ACAT2: variants seen among roughly 807,000 people sequenced by gnomAD.
The protein encoded by ACAT2 is acetyl-CoA acetyltransferase, cytosolic.
ACAT2 carries 26 observed loss-of-function variants against 37.1 expected under a neutral mutation model. That is an observed-to-expected ratio of 0.70 (90% CI 0.51 to 0.97). The LOEUF is 0.97. Among genes scored for constraint, ACAT2 ranks in the 50% least tolerant of loss-of-function variants. The pLI, the probability that ACAT2 is intolerant of heterozygous loss-of-function variation, is 0.00. For missense variants in ACAT2, 468 were observed against 489.0 expected (o/e 0.96, Z 0.40); for synonymous variants, 156 against 163.6 (o/e 0.95, Z 0.35).
chr6:159,775,245 C>G lies in ACAT2; in HGVS notation c.566C>G (p.Thr189Arg). The G allele has an allele frequency of 6.2e-7, 1 of 1,614,108 alleles. No homozygotes were observed. The highest frequency in any genetic ancestry group is 8.5e-7 in the Non-Finnish European group (1 of 1,180,012). Residue 189 changes from threonine (T) to arginine (R), a missense_variant, in exon 5 of 9, where the codon ACA (threonine) becomes AGA (arginine). Thr to Arg is a moderately conservative substitution (Grantham distance 71). Coordinates refer to ENST00000367048, the MANE Select transcript of ACAT2 (RefSeq NM_005891.3). ...GTTGCAGTTCTGTCCCAGAACAGGACAGAGAATGCACAGAAAGCTGGCCAT... is the reference window on the plus strand; with the variant it reads ...GTTGCAGTTCTGTCCCAGAACAGGAGAGAGAATGCACAGAAAGCTGGCCAT... ...DKVAVLSQNR[T>R]ENAQKAGHFD...
intron 4 of ACAT2, 114 bp from the exon 5 acceptor site, chr6:159,775,056 A>G (rs1780391457): frequency 3.2e-6 from 4 of 1,244,212 alleles, no homozygotes; most frequent in Non-Finnish European, 4.4e-6. Context: ...ACAGGCCACC[A>G]TGAGCCTGCT....
At chr6:159,769,747 A>G (rs1780307522) in intron 4 of ACAT2, among the ~76,000 whole-genome samples, 1 of 152,230 alleles carries the variant, frequency 6.6e-6, no homozygotes, top group Non-Finnish European at 1.5e-5. Flanking sequence ...CCTAAGCTGG[A>G]AACAGTGGTC....
chr6:159,767,238 A>C (rs373745106), intron 3 of ACAT2, 52 bp downstream of exon 3: 1 of 1,584,098 alleles, frequency 6.3e-7, no homozygotes, highest in Non-Finnish European at 8.7e-7. Flanking sequence ...TGAGAAACTC[A>C]TGTCTATGCC....
In ACAT2 at chr6:159,762,307, T is replaced by C. The variant is rs1012966428; in HGVS notation, c.55+165T>C. 6 of 1,219,782 alleles carry C rather than the reference T, an allele frequency of 4.9e-6. No individual in the cohort carries two copies. The African/African-American group carries it at 7.7e-5, about 16-fold the overall frequency. The allele number at this position is 1,219,782 out of a possible 1,614,324, so 75.6% of individuals were successfully genotyped here. ...GGAACCCTGCGGCTCCCGCGTTCCC[T>C]GACCTGGTGCTACAGCCCCACCCTC... is the stretch of plus-strand genomic sequence containing the variant. On this transcript the variant is annotated intron_variant, in intron 1 of 8. Transcript: ENST00000367048.
chr6:159,777,197 A>G, intron 6 of ACAT2, 105 bp from the exon 7 acceptor site: 1 of 1,289,248 alleles, frequency 7.8e-7, no homozygotes, highest in Non-Finnish European at 1.1e-6. Context: ...TGCCTTAGCC[A>G]ACAGGTAAAA....
intron 2 of ACAT2, among the ~76,000 whole-genome samples, chr6:159,766,501 A>G (rs974711228): frequency 2.0e-5 from 3 of 151,946 alleles, no homozygotes; most frequent in Admixed American, 1.3e-4. Context: ...TCCCAGGTTC[A>G]AGCAATTCTC....
chr6:159,776,130 A>T lies in ACAT2; in HGVS notation c.635-20A>T. 6.2e-7 allele frequency: 1 copy of T among 1,612,134 alleles called. No homozygotes were observed. The highest frequency in any genetic ancestry group is 2.2e-5 in the East Asian group (1 of 44,826). On this transcript the variant is annotated intron_variant, in intron 5 of 8. Coordinates refer to ENST00000367048, the MANE Select transcript of ACAT2 (RefSeq NM_005891.3). ...TCTGTCTCTGGACTAATCTTGAGTA[A>T]TTGGTTTTCCTTTGCTTAGGTCTTA...
chr6:159,775,104 C>T (rs1780391997), intron 4 of ACAT2, 66 bp from the exon 5 acceptor site: 35 of 1,558,204 alleles, frequency 2.2e-5, no homozygotes, highest in African/African-American at 5.4e-5. Flanking sequence ...CAAATGTGGA[C>T]GACTTGAGCT....
Position 159,768,507 on chromosome 6 carries a change from C to T in ACAT2, c.373-4C>T, listed in dbSNP as rs768105212. On this transcript the variant is annotated splice_polypyrimidine_tract_variant and splice_region_variant and intron_variant, in intron 3 of 8. Transcript: ENST00000367048. ...CTAAATCCATTTTTATTTCTGACTT[C>T]TAGGCTCCTCACTTGGCTTACTTGA... The T allele has an allele frequency of 1.3e-6, 2 of 1,598,600 alleles. No homozygotes were observed. The highest frequency in any genetic ancestry group is 1.7e-6 in the Non-Finnish European group (2 of 1,166,120).
Position 159,778,685 on chromosome 6 carries a change from C to G in ACAT2, c.1050C>G (p.Ala350=), listed in dbSNP as rs1447455087. ...EKVNIEGGAI[A]LGHPLGASGC... ...TCAATATTGAAGGAGGGGCTATAGC[C>G]TTGGGCCACCCTCTTGGAGCATCTG... Residue 350 remains alanine (A), a synonymous_variant, in exon 9 of 9, where the codon GCC becomes GCG. Coordinates refer to ENST00000367048, the MANE Select transcript of ACAT2 (RefSeq NM_005891.3). 1 of 1,614,058 alleles carries G rather than the reference C, an allele frequency of 6.2e-7. No homozygotes were observed. The highest frequency in any genetic ancestry group is 1.3e-5 in the African/African-American group (1 of 74,924).
intron 5 of ACAT2, chr6:159,775,522 T>C (rs573478058): frequency 7.3e-6 from 4 of 550,812 alleles, no homozygotes; most frequent in African/African-American, 3.8e-5. Flanking sequence ...TCAAGCACTC[T>C]TGGTTCCAGA....
intron 6 of ACAT2, 143 bp from the exon 7 acceptor site, chr6:159,777,159 T>C: frequency 2.1e-6 from 2 of 958,200 alleles, no homozygotes; most frequent in Non-Finnish European, 1.6e-6. Flanking sequence ...ACATAATTTC[T>C]ATGTAAAGTC....
chr6:159,762,057 G>A lies in ACAT2; in HGVS notation c.-31G>A. On this transcript the variant is annotated 5_prime_UTR_variant, in exon 1 of 9. Coordinates refer to ENST00000367048, the MANE Select transcript of ACAT2 (RefSeq NM_005891.3). Reference sequence around the variant, plus strand: ...AGGAGCTTTGCCTAGCTTGCAGGCAGCGCAGGGCAGACGGCGGCAGGAGAA... The same window carrying A: ...AGGAGCTTTGCCTAGCTTGCAGGCAACGCAGGGCAGACGGCGGCAGGAGAA... The A allele has an allele frequency of 6.2e-7, 1 of 1,611,196 alleles. No homozygotes were observed. Among genetic ancestry groups the A allele is most frequent in the South Asian group, 1.1e-5 (1 of 90,528 alleles).
intron 2 of ACAT2, among the ~76,000 whole-genome samples, chr6:159,764,610 A>G (rs1471382541): frequency 6.6e-6 from 1 of 151,980 alleles, no homozygotes; most frequent in African/African-American, 2.4e-5. Flanking sequence ...ACACCTGGCT[A>G]ATTTTTTAAA....
At chr6:159,778,421 G>A (rs1780476181) in intron 8 of ACAT2, 141 bp downstream of exon 8, 1 of 352,228 alleles carries the variant, frequency 2.8e-6, no homozygotes, top group East Asian at 4.5e-5. Flanking sequence ...ACTTCCCAAG[G>A]TTTAAAAAAA....
chr6:159,775,444 A>T, intron 5 of ACAT2, 131 bp downstream of exon 5: 1 of 1,084,266 alleles, frequency 9.2e-7, no homozygotes, highest in Non-Finnish European at 1.3e-6. Flanking sequence ...TATGTCCTGG[A>T]TACATGAATG....
rs568028618 is a variant in ACAT2, at chr6:159,773,155, A to G, written c.491-2015A>G. Among the ~76,000 whole-genome samples, 7 of 152,288 alleles carry G rather than the reference A, an allele frequency of 4.6e-5. No individual in the cohort carries two copies. In the East Asian group the frequency reaches 9.7e-4, roughly 21 times the overall value. ...AGGTGTGACCCACCAAACCTGGCCA[A>G]TTCTCACATTTGTAGAAGAGAGTTA... is the stretch of plus-strand genomic sequence containing the variant. On this transcript the variant is annotated intron_variant, in intron 4 of 8. Coordinates refer to ENST00000367048, the MANE Select transcript of ACAT2 (RefSeq NM_005891.3).
chr6:159,765,328 C>G (rs879442149), intron 2 of ACAT2, among the ~76,000 whole-genome samples: 1 of 152,196 alleles, frequency 6.6e-6, no homozygotes, highest in Admixed American at 6.5e-5. Context: ...GTTGGCCAGG[C>G]TGGTCTCGAA....
chr6:159,773,309 T>C (rs1780366238), intron 4 of ACAT2, among the ~76,000 whole-genome samples: 1 of 152,166 alleles, frequency 6.6e-6, no homozygotes, highest in African/African-American at 2.4e-5. Flanking sequence ...ATAATACATA[T>C]GGAAGTTTCT....
Sources: gnomAD v4.1 joint callset for allele counts (sites outside exome capture counted in the v4.1 genomes callset) on GRCh38, gnomAD v4.1.1 for gene constraint, MANE v1.5 for transcripts, NCBI Gene and HGNC (gene_info 2026-07-23, HGNC 2026-07-21) for gene names.